Variants in ANXA11 observed in about 807,000 individuals in gnomAD.
ANXA11 encodes annexin A11, also known as 56 kDa autoantigen.
A neutral mutation model predicts 64.7 loss-of-function variants in ANXA11; 57 were observed. That is an observed-to-expected ratio of 0.88 (90% CI 0.71 to 1.10). The LOEUF is 1.10. Ranked by LOEUF, ANXA11 falls within the 50% of genes least tolerant of loss-of-function variation. The probability of loss-of-function intolerance (pLI) is 0.00; values close to 1 mark genes in which losing one functional copy is unlikely to be tolerated. For synonymous variants in ANXA11, 260 were observed against 265.2 expected (o/e 0.98, Z 0.19); for missense variants, 675 against 670.7 (o/e 1.01, Z -0.07).
intron 1 of ANXA11, among the ~76,000 whole-genome samples, chr10:80,183,479 G>C (rs773274330): frequency 2.0e-5 from 3 of 152,226 alleles, no homozygotes; most frequent in Non-Finnish European, 4.4e-5. Context: ...GTCCACATTG[G>C]AAGGGATCAT....
chr10:80,198,664 C>T (rs1001514698), intron 1 of ANXA11, among the ~76,000 whole-genome samples: 2 of 152,104 alleles, frequency 1.3e-5, no homozygotes, highest in African/African-American at 2.4e-5. Context: ...GGACAACAGT[C>T]CATAAGGAGC....
intron 1 of ANXA11, among the ~76,000 whole-genome samples, chr10:80,178,101 T>C (rs1320052640): frequency 6.6e-6 from 1 of 152,112 alleles, no homozygotes; most frequent in African/African-American, 2.4e-5. Flanking sequence ...AGGGCTGCCA[T>C]ATCTGGGCTC....
intron 2 of ANXA11, among the ~76,000 whole-genome samples, chr10:80,173,587 G>A (rs1421349356): frequency 2.0e-5 from 3 of 151,318 alleles, no homozygotes; most frequent in African/African-American, 4.9e-5. Flanking sequence ...CTGCTCTCAC[G>A]AAGTCCCTCT....
chr10:80,159,814 T>G (rs1845433765), intron 12 of ANXA11, among the ~76,000 whole-genome samples: 1 of 152,164 alleles, frequency 6.6e-6, no homozygotes, highest in South Asian at 2.1e-4. Context: ...CCCACTCCCA[T>G]GTACTCCAAG....
chr10:80,156,300 A>G (rs1379842350), intron 15 of ANXA11: 1 of 402,518 alleles, frequency 2.5e-6, no homozygotes, highest in East Asian at 7.0e-5. Context: ...CAATCTCCTC[A>G]CACATGACTG....
rs745489823 is a variant in ANXA11 at position 80,167,243 on chromosome 10, T to C, written c.632A>G (p.Lys211Arg). The C allele has an allele frequency of 1.2e-6, 2 of 1,614,168 alleles. No homozygotes were observed. The highest frequency in any genetic ancestry group is 8.5e-7 in the Non-Finnish European group (1 of 1,180,018). Reference sequence around the variant, plus strand: ...TCTCTTACCGAAGCCTTTCATGGCCTTCCGCAGGACCTCGGCATCTCGCAG... The same window carrying C: ...TCTCTTACCGAAGCCTTTCATGGCCCTCCGCAGGACCTCGGCATCTCGCAG... ...DPLRDAEVLRKAMKGFGTDEQ... is the reference protein window; with the variant it reads ...DPLRDAEVLRRAMKGFGTDEQ... The change falls in exon 6 of 16, where the codon AAG becomes AGG. Residue 211 changes from lysine (K) to arginine (R), a missense_variant. Physicochemically the swap from Lys to Arg is conservative, Grantham distance 26. Coordinates refer to ENST00000422982, the MANE Select transcript of ANXA11 (RefSeq NM_145868.2).
rs995954209 is a variant in ANXA11, at chr10:80,169,205, G to A, written c.325C>T (p.Pro109Ser). 1.9e-6 allele frequency: 3 copies of A among 1,609,514 alleles called. No individual in the cohort carries two copies. Among genetic ancestry groups the A allele is most frequent in the South Asian group, 1.1e-5 (1 of 90,792 alleles). ...ATCCTGGAGGGTGGGTTTCCTCCTG[G>A]GGGTGGATACATCCCATAGGGAGGA... ...PVPPYGMYPP[P>S]GGNPPSRMPS... Residue 109 changes from proline to serine, a missense_variant, in exon 5 of 16, where the codon CCA becomes TCA. Coordinates refer to ENST00000422982, the MANE Select transcript of ANXA11 (RefSeq NM_145868.2).
Position 80,154,217 on chromosome 10 carries a change from TC to T in ANXA11, c.*1635del, listed in dbSNP as rs1845209230. On this transcript the variant is annotated 3_prime_UTR_variant, in exon 16 of 16. Coordinates refer to ENST00000422982, the MANE Select transcript of ANXA11 (RefSeq NM_145868.2). The stretch of plus-strand genomic sequence containing the variant: ...CCTGGGTTCAAGTGATTCTCCTGCC[TC>T]AGCATCCTGTGTAGCTGGGATTACA... 4 of 152,026 alleles carry T rather than the reference TC, an allele frequency of 2.6e-5. No homozygotes were observed. The highest frequency in any genetic ancestry group is 4.4e-5 in the Non-Finnish European group (3 of 68,102). 9.4% of individuals were successfully genotyped at this position (152,026 alleles called of 1,614,324 possible).
intron 1 of ANXA11, among the ~76,000 whole-genome samples, chr10:80,177,337 T>C (rs1281301051): frequency 1.3e-5 from 2 of 151,948 alleles, no homozygotes; most frequent in Non-Finnish European, 2.9e-5. Context: ...GTCTGAAGAG[T>C]GCAGGGCGGG....
chr10:80,164,090 A>G lies in ANXA11; in HGVS notation c.912T>C (p.Asn304=), dbSNP rs780884175. 2.5e-6 allele frequency: 4 copies of G among 1,614,172 alleles called. No homozygotes were observed. Among genetic ancestry groups the G allele is most frequent in the Non-Finnish European group, 3.4e-6 (4 of 1,180,004 alleles). The change falls in exon 9 of 16, where the codon AAT becomes AAC. Residue 304 remains asparagine, a synonymous_variant. Coordinates refer to ENST00000422982, the MANE Select transcript of ANXA11 (RefSeq NM_145868.2). The stretch of plus-strand genomic sequence containing the variant: ...CTCTGTTTAATTCTCGGATGTGCTC[A>G]TTGCTGCGGGAAGCGAGGATCTCAA... ...CLIEILASRS[N]EHIRELNRAY...
At chr10:80,161,800 C>G in intron 12 of ANXA11, 135 bp downstream of exon 12, 1 of 701,960 alleles carries the variant, frequency 1.4e-6, no homozygotes, top group Non-Finnish European at 2.4e-6. Flanking sequence ...TTTAAATTCC[C>G]ACCAGGGGGC....
intron 1 of ANXA11, among the ~76,000 whole-genome samples, chr10:80,181,763 C>G (rs2132453792): frequency 6.6e-6 from 1 of 152,232 alleles, no homozygotes; most frequent in Non-Finnish European, 1.5e-5. Context: ...TTAGAATGGC[C>G]AAAATCCAAA....
At chr10:80,198,563 G>C (rs1232919535) in intron 1 of ANXA11, among the ~76,000 whole-genome samples, 4 of 152,146 alleles carry the variant, frequency 2.6e-5, no homozygotes, top group Non-Finnish European at 1.5e-5. Flanking sequence ...AATGATTCAG[G>C]GTGCAGTCCA....
chr10:80,158,878 G>T (rs558314065), intron 13 of ANXA11, among the ~76,000 whole-genome samples: 1 of 152,124 alleles, frequency 6.6e-6, no homozygotes, highest in African/African-American at 2.4e-5. Flanking sequence ...GAGCTGCACC[G>T]CAAACACACA....
At chr10:80,188,074 T>C (rs902906240) in intron 1 of ANXA11, among the ~76,000 whole-genome samples, 7 of 152,012 alleles carry the variant, frequency 4.6e-5, no homozygotes, top group African/African-American at 9.7e-5. Flanking sequence ...CTCACTGACA[T>C]TGGCTTTCAC....
At chr10:80,174,145 C>T (rs1846080871) in intron 2 of ANXA11, among the ~76,000 whole-genome samples, 2 of 152,200 alleles carry the variant, frequency 1.3e-5, no homozygotes, top group African/African-American at 2.4e-5. Context: ...GCCTGGACCT[C>T]CTGGGCTCAG....
At position 80,152,278 on chromosome 10, in the gene ANXA11, T is replaced by C. The variant is rs1197216291; in HGVS notation, c.*3575A>G. ...TGACCTGTAAGGTTGCACATCTTTC[T>C]CCCTATCTTTTTTGTCCTAAGCATA... On this transcript the variant is annotated 3_prime_UTR_variant, in exon 16 of 16. Transcript: ENST00000422982. The C allele has an allele frequency of 6.6e-6, 1 of 152,222 alleles. No individual in the cohort carries two copies. Among genetic ancestry groups the C allele is most frequent in the East Asian group, 1.9e-4 (1 of 5,198 alleles). The allele number at this position is 152,222 out of a possible 1,614,324, so 9.4% of individuals were successfully genotyped here. A position where few individuals can be genotyped will look rare whatever the true frequency, so the allele number is the denominator to read the frequency against.
chr10:80,157,713 G>T lies in ANXA11; in HGVS notation c.1386C>A (p.Ser462Arg). ...RTLIRIMVSR[S>R]ETDLLDIRSE... ...ATCTGATGTCCAGGAGGTCGGTCTC[G>T]CTGCGAGACACCATGATGCGAATCA... Residue 462 changes from serine (S) to arginine (R), a missense_variant, in exon 15 of 16, where the codon AGC becomes AGA. Coordinates refer to ENST00000422982, the MANE Select transcript of ANXA11 (RefSeq NM_145868.2). 1.9e-6 allele frequency: 3 copies of T among 1,613,896 alleles called. No individual in the cohort carries two copies. The highest frequency in any genetic ancestry group is 2.5e-6 in the Non-Finnish European group (3 of 1,179,952).
intron 6 of ANXA11, 85 bp downstream of exon 6, chr10:80,167,141 G>T: frequency 7.0e-7 from 1 of 1,436,234 alleles, no homozygotes; most frequent in Non-Finnish European, 9.8e-7. Context: ...GCGTCCCCCA[G>T]CTACCCCAGC....
Sources: allele counts gnomAD v4.1 joint callset (sites outside exome capture counted in the v4.1 genomes callset), GRCh38; gene constraint gnomAD v4.1.1; transcripts MANE v1.5; gene names NCBI Gene and HGNC (gene_info 2026-07-23, HGNC 2026-07-21).